NAALADL2: variants seen among roughly 807,000 people sequenced by gnomAD.
The protein encoded by NAALADL2 is N-acetylated alpha-linked acidic dipeptidase like 2.
A neutral mutation model predicts 87.2 loss-of-function variants in NAALADL2; 76 were observed. The observed-to-expected ratio is 0.87, with a 90% CI of 0.72 to 1.05. The LOEUF (loss-of-function observed/expected upper bound fraction) is 1.05, where lower values mean the gene tolerates loss of function less well. Ranked by LOEUF, NAALADL2 falls within the 50% of genes least tolerant of loss-of-function variation. The pLI, the probability that NAALADL2 is intolerant of heterozygous loss-of-function variation, is 0.00. For missense variants in NAALADL2, 1,089 were observed against 945.8 expected (o/e 1.15, Z -1.99); for synonymous variants, 354 against 331.0 (o/e 1.07, Z -0.75).
chr3:174,885,468 G>C (rs111270497), intron 1 of NAALADL2, among the ~76,000 whole-genome samples: 2,356 of 152,184 alleles, frequency 0.015, 61 homozygotes, highest in African/African-American at 0.054. Flanking sequence ...ATGGTCAAAG[G>C]TATTATGTAT....
intron 2 of NAALADL2, among the ~76,000 whole-genome samples, chr3:175,150,762 A>T (rs570033830): frequency 6.6e-6 from 1 of 152,280 alleles, no homozygotes; most frequent in African/African-American, 2.4e-5. Flanking sequence ...CCATTCATTG[A>T]TTTATACATT....
chr3:175,543,440 A>G (rs1712741342), intron 9 of NAALADL2, among the ~76,000 whole-genome samples: 1 of 152,120 alleles, frequency 6.6e-6, no homozygotes, highest in African/African-American at 2.4e-5. Context: ...GTCCATTTTC[A>G]TACTGCTATG....
intron 13 of NAALADL2, among the ~76,000 whole-genome samples, chr3:175,787,608 G>C (rs1752234127): frequency 6.6e-6 from 1 of 152,060 alleles, no homozygotes; most frequent in Admixed American, 6.6e-5. Context: ...TGCGCCCACT[G>C]TCTGGCGCTC....
intron 4 of NAALADL2, among the ~76,000 whole-genome samples, chr3:175,263,440 G>A (rs1247901234): frequency 6.6e-6 from 1 of 151,864 alleles, no homozygotes; most frequent in African/African-American, 2.4e-5. Context: ...AATCTTCAAA[G>A]TCTGTCAAGA....
At chr3:175,135,391 T>C (rs1728955881) in intron 2 of NAALADL2, among the ~76,000 whole-genome samples, 1 of 151,418 alleles carries the variant, frequency 6.6e-6, no homozygotes, top group South Asian at 2.1e-4. Flanking sequence ...CCTTTGTTAA[T>C]ATCCCTAGGC....
intron 1 of NAALADL2, among the ~76,000 whole-genome samples, chr3:175,011,857 G>T (rs989695929): frequency 1.3e-5 from 2 of 152,066 alleles, no homozygotes; most frequent in Non-Finnish European, 2.9e-5. Context: ...ATCAGGGTGG[G>T]ATTATTAAGG....
intron 3 of NAALADL2, among the ~76,000 whole-genome samples, chr3:174,753,297 A>G (rs962707873): frequency 3.3e-5 from 5 of 152,152 alleles, no homozygotes; most frequent in African/African-American, 9.7e-5. Flanking sequence ...GCTGGTCTCA[A>G]TCCTCTGACC....
At chr3:175,670,429 T>A (rs1733794111) in intron 11 of NAALADL2, among the ~76,000 whole-genome samples, 1 of 144,652 alleles carries the variant, frequency 6.9e-6, no homozygotes, top group Non-Finnish European at 1.5e-5. Context: ...ATTTAATATA[T>A]TTATATTAAA....
intron 13 of NAALADL2, among the ~76,000 whole-genome samples, chr3:175,765,953 C>G (rs1434685421): frequency 6.6e-6 from 1 of 152,030 alleles, no homozygotes; most frequent in East Asian, 1.9e-4. Context: ...CTAAAAACCA[C>G]CACTCTTTCT....
intron 1 of NAALADL2, among the ~76,000 whole-genome samples, chr3:174,954,080 C>T (rs915348892): frequency 1.3e-5 from 2 of 152,066 alleles, no homozygotes; most frequent in African/African-American, 4.8e-5. Context: ...GATTTGACCC[C>T]ATTAGTGATG....
At chr3:174,538,706 A>G (rs1374306705) in intron 1 of NAALADL2, among the ~76,000 whole-genome samples, 2 of 152,050 alleles carry the variant, frequency 1.3e-5, no homozygotes, top group African/African-American at 4.8e-5. Context: ...CATAATAAAA[A>G]CCTTGGTCTC....
intron 10 of NAALADL2, among the ~76,000 whole-genome samples, chr3:175,587,673 C>T (rs1277016789): frequency 6.6e-6 from 1 of 152,028 alleles, no homozygotes; most frequent in African/African-American, 2.4e-5. Flanking sequence ...ATCCCATGCC[C>T]TAATGTGGTA....
At chr3:175,007,867 T>C (rs1329936745) in intron 1 of NAALADL2, among the ~76,000 whole-genome samples, 1 of 152,148 alleles carries the variant, frequency 6.6e-6, no homozygotes, top group Non-Finnish European at 1.5e-5. Context: ...ACTGTTATGC[T>C]TTGGGTCCAT....
chr3:175,062,476 CTGTGTGTGTG>C lies in NAALADL2; in HGVS notation c.44-34274_44-34265del, dbSNP rs71792051. Among the ~76,000 whole-genome samples the C allele has an allele frequency of 5.6e-3, 736 of 131,548 alleles. 7 individuals are homozygous for C. The highest frequency in any genetic ancestry group is 0.016 in the African/African-American group (572 of 36,124). 86.3% of individuals were successfully genotyped at this position (131,548 alleles called of 152,430 possible). ...CCTGTTTGTAGGGCTGGAAGTTTGG[CTGTGTGTGTG>C]TGTGTGTGTGTGTGTGTGTGTGTGT... On this transcript the variant is annotated intron_variant, in intron 1 of 13. Transcript: ENST00000454872.
chr3:175,005,130 C>G (rs1394841331), intron 1 of NAALADL2, among the ~76,000 whole-genome samples: 1 of 152,102 alleles, frequency 6.6e-6, no homozygotes, highest in Non-Finnish European at 1.5e-5. Context: ...TCACTATATG[C>G]CCGGCATTGT....
At chr3:174,856,190 C>T, upstream of NAALADL2, among the ~76,000 whole-genome samples, 1 of 151,970 alleles carries the variant, frequency 6.6e-6, no homozygotes, top group South Asian at 2.1e-4. Flanking sequence ...ATTGTTTGTT[C>T]ACACAGGATT....
At chr3:175,204,700 A>C (rs1315481549) in intron 2 of NAALADL2, among the ~76,000 whole-genome samples, 3 of 152,100 alleles carry the variant, frequency 2.0e-5, no homozygotes, top group African/African-American at 7.2e-5. Flanking sequence ...AAACCCCAAG[A>C]ACTTCTCCAG....
intron 2 of NAALADL2, among the ~76,000 whole-genome samples, chr3:175,216,700 G>A (rs1159319602): frequency 2.6e-5 from 3 of 113,422 alleles, no homozygotes; most frequent in East Asian, 2.7e-4. Context: ...AAGGTGTCTC[G>A]CCCTATTGCC....
intron 13 of NAALADL2, among the ~76,000 whole-genome samples, chr3:175,768,851 C>CAAAAA (rs35173343): frequency 6.0e-5 from 6 of 100,786 alleles, no homozygotes; most frequent in African/African-American, 1.9e-4. Flanking sequence ...GACTTTGTCT[C>CAAAAA]AAAAAAAAAA....
Sources: allele counts gnomAD v4.1 joint callset (sites outside exome capture counted in the v4.1 genomes callset), GRCh38; gene constraint gnomAD v4.1.1; transcripts MANE v1.5; gene names NCBI Gene and HGNC (gene_info 2026-07-23, HGNC 2026-07-21).